Variants in IGDCC4 observed in about 807,000 individuals in gnomAD.
IGDCC4 encodes likely ortholog of mouse neighbor of Punc E11.
A neutral mutation model predicts 116.6 loss-of-function variants in IGDCC4; 72 were observed. The observed-to-expected ratio is 0.62, with a 90% CI of 0.51 to 0.75. IGDCC4 has a LOEUF of 0.75. IGDCC4 is among the 30% of genes least tolerant of loss of function. The pLI is 0.00. For synonymous variants in IGDCC4, 709 were observed against 719.9 expected (o/e 0.98, Z 0.24); for missense variants, 1,501 against 1,662.4 (o/e 0.90, Z 1.69).
chr15:65,388,640 C>T, intron 15 of IGDCC4, 54 bp from the exon 16 acceptor site: 2 of 1,610,028 alleles, frequency 1.2e-6, no homozygotes, highest in Non-Finnish European at 1.7e-6. Context: ...TGGGTGGATG[C>T]AGAGGTGGGC....
Position 65,403,842 on chromosome 15 carries a change from T to C in IGDCC4, c.564-1355A>G, listed in dbSNP as rs368680628. On this transcript the variant is annotated intron_variant, in intron 3 of 19. Transcript: ENST00000352385. ...CAGAGACCTTACTTGAGAAACGATG[T>C]AATCTGGGATAGGGAGGTCTCCATG... Among the ~76,000 whole-genome samples, 434 of 152,244 alleles carry C rather than the reference T, an allele frequency of 2.9e-3. 2 individuals carry two copies. The highest frequency in any genetic ancestry group is 0.014 in the South Asian group (69 of 4,814).
At position 65,386,629 on chromosome 15, in the gene IGDCC4, C is replaced by A; in HGVS notation, c.2873G>T (p.Gly958Val). The A allele has an allele frequency of 6.2e-7, 1 of 1,612,434 alleles. No homozygotes were observed. The highest frequency in any genetic ancestry group is 2.2e-5 in the East Asian group (1 of 44,854). The change falls in exon 17 of 20, where the codon GGC becomes GTC. Residue 958 changes from glycine (G) to valine (V), a missense_variant. By Grantham distance (109) the Gly-to-Val change is moderately radical. Coordinates refer to ENST00000352385, the MANE Select transcript of IGDCC4 (RefSeq NM_020962.3). ...GCCCAGGCAGACACCCACGATGATG[C>A]CCGTGACTGAGTGCATGTCCAGCGA... ...SDSLDMHSVTGIIVGVCLGLL... is the reference protein window; with the variant it reads ...SDSLDMHSVTVIIVGVCLGLL...
At position 65,393,218 on chromosome 15, in the gene IGDCC4, C is replaced by T; in HGVS notation, c.1885+143G>A. ...CCAGCCCTTCACCTCTGCACCTAAGCCTCACTCACCCATCAAGCGGAGGGA... is the reference window on the plus strand; with the variant it reads ...CCAGCCCTTCACCTCTGCACCTAAGTCTCACTCACCCATCAAGCGGAGGGA... On this transcript the variant is annotated intron_variant, in intron 10 of 19. Transcript: ENST00000352385. This position sits in a 1 kb window ranked among gnomAD's most constrained non-coding sequence, Gnocchi z 4.6. 1 of 869,452 alleles carries T rather than the reference C, an allele frequency of 1.2e-6. No individual in the cohort carries two copies. 53.9% of individuals were successfully genotyped at this position (869,452 alleles called of 1,614,324 possible). A position where few individuals can be genotyped will look rare whatever the true frequency, so the allele number is the denominator to read the frequency against.
intron 5 of IGDCC4, among the ~76,000 whole-genome samples, chr15:65,399,447 C>CAAAAAAAA (rs112040935): frequency 2.8e-5 from 2 of 71,182 alleles, no homozygotes; most frequent in Non-Finnish European, 3.3e-5. Context: ...GGGTGACAGG[C>CAAAAAAAA]AAAAAAAAAA....
chr15:65,415,876 T>C (rs932625266), intron 1 of IGDCC4, among the ~76,000 whole-genome samples: 1 of 152,132 alleles, frequency 6.6e-6, no homozygotes, highest in African/African-American at 2.4e-5. Flanking sequence ...AGTCTCACAC[T>C]GAAAACCACT....
rs1456435117 is a variant in IGDCC4 at position 65,384,773 on chromosome 15, G to C, written c.3342+181C>G. Reference sequence around the variant, plus strand: ...CTGTTTTCAACCCAGGTTGAAACAGGTTCCTGCAAACTGGCCTGCCCTCCA... The same window carrying C: ...CTGTTTTCAACCCAGGTTGAAACAGCTTCCTGCAAACTGGCCTGCCCTCCA... On this transcript the variant is annotated intron_variant, in intron 19 of 19. Coordinates refer to ENST00000352385, the MANE Select transcript of IGDCC4 (RefSeq NM_020962.3). The surrounding 1 kb of genome is among the most constrained non-coding windows in gnomAD (Gnocchi z 4.9). 5.2e-6 allele frequency: 4 copies of C among 766,318 alleles called. No homozygotes were observed. The East Asian group carries it at 8.7e-5, about 17-fold the overall frequency. 47.5% of individuals were successfully genotyped at this position (766,318 alleles called of 1,614,324 possible).
In IGDCC4 at chr15:65,383,185, T is replaced by C. The variant is rs1567077353; in HGVS notation, c.*824A>G. The C allele has an allele frequency of 6.5e-6, 1 of 152,840 alleles. No homozygotes were observed. The highest frequency in any genetic ancestry group is 1.5e-5 in the Non-Finnish European group (1 of 68,208). 9.5% of individuals were successfully genotyped at this position (152,840 alleles called of 1,614,324 possible). On this transcript the variant is annotated 3_prime_UTR_variant, in exon 20 of 20. Transcript: ENST00000352385. ...AGGTAGTCACGTTGTTAGAGAAGGA[T>C]GCAGAGTTTGAACCCAGGCAGGAGA...
chr15:65,389,142 C>T (rs546922207), intron 14 of IGDCC4, 142 bp downstream of exon 14: 2 of 1,235,556 alleles, frequency 1.6e-6, no homozygotes, highest in Admixed American at 5.5e-5. Context: ...GTTGGAGGGA[C>T]TTAACATTCC....
Position 65,395,924 on chromosome 15 carries a change from T to G in IGDCC4, c.1237A>C (p.Met413Leu). 2.5e-6 allele frequency: 4 copies of G among 1,591,954 alleles called. No homozygotes were observed. The highest frequency in any genetic ancestry group is 3.4e-6 in the Non-Finnish European group (4 of 1,176,200). The change falls in exon 7 of 20, where the codon ATG (methionine) becomes CTG (leucine). Residue 413 changes from methionine to leucine, a missense_variant. Physicochemically the swap from Met to Leu is conservative, Grantham distance 15 (BLOSUM62 2). Around this residue, in one of 3 missense-constraint regions of IGDCC4, gnomAD observed 898 missense variants for 978.9 expected, o/e 0.92. Transcript: ENST00000352385. ...YQCVAENSAGMACAAASLAVV... is the reference protein window; with the variant it reads ...YQCVAENSAGLACAAASLAVV... ...GCCAGCGACGCGGCAGCGCACGCCA[T>G]TCCCGCGCTGTTCTCAGCCACGCAC...
At chr15:65,400,695 GA>G in intron 5 of IGDCC4, 110 bp downstream of exon 5, 1 of 1,363,592 alleles carries the variant, frequency 7.3e-7, no homozygotes, top group South Asian at 1.4e-5. Flanking sequence ...TGCCACACCA[GA>G]AGGTTCGTGA....
In IGDCC4 at chr15:65,410,182, G is replaced by T. The variant is rs1228467621; in HGVS notation, c.559C>A (p.Pro187Thr). The T allele has an allele frequency of 6.2e-7, 1 of 1,612,696 alleles. No individual in the cohort carries two copies. Among genetic ancestry groups the T allele is most frequent in the Non-Finnish European group, 8.5e-7 (1 of 1,180,000 alleles). The stretch of plus-strand genomic sequence containing the variant: ...GCTCCCCTACAGGGCACTCACCGAG[G>T]CTCCTCAGGCAATGTCACCTGGTCC... ...EKDQVTLPEE[P>T]RLIVLPNGVL... The change falls in exon 3 of 20, where the codon CCT (proline) becomes ACT (threonine). Residue 187 changes from proline to threonine, a missense_variant. By Grantham distance (38) the Pro-to-Thr change is conservative (BLOSUM62 -1). Coordinates refer to ENST00000352385, the MANE Select transcript of IGDCC4 (RefSeq NM_020962.3).
At position 65,396,871 on chromosome 15, in the gene IGDCC4, G is replaced by T; in HGVS notation, c.960C>A (p.Arg320=). 6.3e-7 allele frequency: 1 copy of T among 1,576,170 alleles called. No homozygotes were observed. Among genetic ancestry groups the T allele is most frequent in the Non-Finnish European group, 8.6e-7 (1 of 1,161,058 alleles). ...YVCRANKPRT[R]DFATAAAELR... ...GCTCAGCGGCTGCAGTGGCGAAGTCGCGCGTGCGGGGCTTGTTGGCGCGGC... is the reference window on the plus strand; with the variant it reads ...GCTCAGCGGCTGCAGTGGCGAAGTCTCGCGTGCGGGGCTTGTTGGCGCGGC... Residue 320 remains arginine (R), a synonymous_variant, in exon 6 of 20, where the codon CGC becomes CGA. Coordinates refer to ENST00000352385, the MANE Select transcript of IGDCC4 (RefSeq NM_020962.3).
At chr15:65,413,024 A>ATGTGTGTG (rs59690408) in intron 1 of IGDCC4, among the ~76,000 whole-genome samples, 2,228 of 146,024 alleles carry the variant, frequency 0.015, 54 homozygotes, top group African/African-American at 0.048. Context: ...GTGTGAGAAA[A>ATGTGTGTG]TGTGTGTGTG....
intron 3 of IGDCC4, 112 bp from the exon 4 acceptor site, chr15:65,402,599 T>C (rs1397545263): frequency 2.2e-5 from 30 of 1,368,120 alleles, no homozygotes; most frequent in Admixed American, 1.4e-4. Context: ...CTGGGCGCAG[T>C]GGCTCACGCC....
intron 1 of IGDCC4, among the ~76,000 whole-genome samples, chr15:65,413,698 A>C (rs1355460219): frequency 6.6e-6 from 1 of 152,176 alleles, no homozygotes; most frequent in African/African-American, 2.4e-5. Flanking sequence ...TCCTTACTTT[A>C]AGGCAGAATG....
intron 5 of IGDCC4, among the ~76,000 whole-genome samples, chr15:65,398,553 A>AG (rs1555435284): frequency 1.5e-4 from 19 of 124,364 alleles, no homozygotes; most frequent in African/African-American, 4.3e-4. Context: ...AAAAAAAAAA[A>AG]AAAGAAAGAA....
intron 15 of IGDCC4, 77 bp downstream of exon 15, chr15:65,388,731 C>T (rs1012930000): frequency 6.2e-7 from 1 of 1,604,420 alleles, no homozygotes; most frequent in Admixed American, 1.7e-5. Flanking sequence ...GGAACAAACC[C>T]CAGCACTGTT....
chr15:65,413,206 G>A (rs946527725), intron 1 of IGDCC4, among the ~76,000 whole-genome samples: 2 of 152,090 alleles, frequency 1.3e-5, no homozygotes, highest in African/African-American at 2.4e-5. Context: ...AGTGCCCCAG[G>A]TAGGGACTAG....
chr15:65,399,055 A>G (rs1369053314), intron 5 of IGDCC4, among the ~76,000 whole-genome samples: 2 of 152,050 alleles, frequency 1.3e-5, no homozygotes, highest in African/African-American at 4.8e-5. Flanking sequence ...CAATTCTCAA[A>G]TCCGTACTGT....
Sources: gnomAD v4.1 joint callset for allele counts (sites outside exome capture counted in the v4.1 genomes callset) on GRCh38, gnomAD v4.1.1 for gene constraint, gnomAD v4.1.1 regional missense constraint, Gnocchi (gnomAD v3.1) non-coding constraint, MANE v1.5 for transcripts, NCBI Gene and HGNC (gene_info 2026-07-23, HGNC 2026-07-21) for gene names.